PSMB1: variants seen among roughly 807,000 people sequenced by gnomAD.
PSMB1 encodes proteasome 20S subunit beta 1.
A neutral mutation model predicts 25.4 loss-of-function variants in PSMB1; 7 were observed. The observed-to-expected ratio is 0.28, with a 90% CI of 0.16 to 0.52. The LOEUF is 0.52. PSMB1 is among the 20% of genes least tolerant of loss of function. The probability of loss-of-function intolerance (pLI) is 0.97; values close to 1 mark genes in which losing one functional copy is unlikely to be tolerated. For synonymous variants in PSMB1, 119 were observed against 115.0 expected, an observed-to-expected ratio of 1.03 and a Z score of -0.22; for missense variants, 284 against 302.2, an observed-to-expected ratio of 0.94 and a Z score of 0.45.
At chr6:170,537,459 G>T in intron 4 of PSMB1, 119 bp from the exon 5 acceptor site, 1 of 725,662 alleles carries the variant, frequency 1.4e-6, no homozygotes, top group Non-Finnish European at 2.3e-6. Flanking sequence ...TAAAACTTCA[G>T]GGAACAGTTG....
rs1426651888 is a variant in PSMB1, at chr6:170,543,722, C to T, written c.312G>A (p.Lys104=). The change falls in exon 4 of 6, where the codon AAG becomes AAA. Residue 104 remains lysine (K), a synonymous_variant. Transcript: ENST00000262193. The part of the protein sequence containing the change: ...KIIEARLKMY[K]HSNNKAMTTG... ...TAGTCATGGCCTTATTATTGGAATG[C>T]TTATACATCTGCAATTATTGATAAA... is the stretch of plus-strand genomic sequence containing the variant. 1.2e-6 allele frequency: 2 copies of T among 1,606,660 alleles called. No homozygotes were observed. Among genetic ancestry groups the T allele is most frequent in the Non-Finnish European group, 1.7e-6 (2 of 1,176,502 alleles).
chr6:170,537,478 C>T (rs2114974556), intron 4 of PSMB1, 138 bp from the exon 5 acceptor site: 1 of 654,108 alleles, frequency 1.5e-6, no homozygotes, highest in Non-Finnish European at 2.7e-6. Context: ...TGGAACACAG[C>T]CACTGTTGCA....
intron 4 of PSMB1, 64 bp downstream of exon 4, chr6:170,543,537 A>C (rs1017081059): frequency 5.3e-5 from 75 of 1,415,092 alleles, no homozygotes; most frequent in Non-Finnish European, 6.7e-5. Context: ...CTCTAGATGG[A>C]TACACACATC....
At chr6:170,536,809 G>A (rs1023533861) in intron 5 of PSMB1, among the ~76,000 whole-genome samples, 2 of 152,138 alleles carry the variant, frequency 1.3e-5, no homozygotes, top group African/African-American at 2.4e-5. Flanking sequence ...TCCAGTGCTC[G>A]GGGAACTGGC....
chr6:170,549,275 G>C (rs1333915786), intron 1 of PSMB1, 162 bp from the exon 2 acceptor site: 2 of 510,304 alleles, frequency 3.9e-6, no homozygotes, highest in East Asian at 6.0e-5. Flanking sequence ...ATGAACGCCT[G>C]GCTACGAGTT....
intron 3 of PSMB1, among the ~76,000 whole-genome samples, chr6:170,545,261 T>A (rs1311951475): frequency 6.6e-6 from 1 of 152,244 alleles, no homozygotes; most frequent in Non-Finnish European, 1.5e-5. Context: ...GTGTATTATG[T>A]AGAATTCACC....
intron 3 of PSMB1, among the ~76,000 whole-genome samples, chr6:170,544,792 AGTAACAG>A (rs892711091): frequency 6.6e-6 from 1 of 152,154 alleles, no homozygotes; most frequent in Non-Finnish European, 1.5e-5. Flanking sequence ...ATGAACTACA[AGTAACAG>A]GTAAGTTTTT....
At chr6:170,538,198 T>C (rs1246035193) in intron 4 of PSMB1, among the ~76,000 whole-genome samples, 1 of 152,190 alleles carries the variant, frequency 6.6e-6, no homozygotes, top group African/African-American at 2.4e-5. Flanking sequence ...GATTCTACAA[T>C]CGTTAAAAAG....
intron 4 of PSMB1, among the ~76,000 whole-genome samples, chr6:170,543,370 T>C (rs575592403): frequency 6.6e-6 from 1 of 152,288 alleles, no homozygotes; most frequent in South Asian, 2.1e-4. Context: ...CTCATGCAAG[T>C]TCCTGAGAAA....
chr6:170,541,995 C>T (rs530697062), intron 4 of PSMB1, among the ~76,000 whole-genome samples: 1 of 152,196 alleles, frequency 6.6e-6, no homozygotes, highest in Non-Finnish European at 1.5e-5. Context: ...TAATGTAAGT[C>T]AAAAAAGACA....
At chr6:170,545,859 A>G (rs1382610596) in intron 3 of PSMB1, among the ~76,000 whole-genome samples, 1 of 152,194 alleles carries the variant, frequency 6.6e-6, no homozygotes, top group African/African-American at 2.4e-5. Context: ...GCTCCTTCTA[A>G]AAGGGTAGAG....
chr6:170,535,531 G>T, intron 5 of PSMB1, 126 bp from the exon 6 acceptor site: 1 of 822,130 alleles, frequency 1.2e-6, no homozygotes, highest in Non-Finnish European at 1.9e-6. Context: ...AAATTAAAAT[G>T]TCCTTCAGAC....
chr6:170,542,570 C>A (rs530853782), intron 4 of PSMB1, among the ~76,000 whole-genome samples: 4 of 152,278 alleles, frequency 2.6e-5, no homozygotes, highest in African/African-American at 9.6e-5. Context: ...AGAAACTATC[C>A]CTGGCCCTGA....
rs1778942811 is a variant in PSMB1, at chr6:170,553,256, C to T, written c.-14G>A. ...AGAGGACAACATCGCACGGCTGCGC[C>T]TGCGGATCCGACACTTGCTGTCTCA... On this transcript the variant is annotated 5_prime_UTR_variant, in exon 1 of 6. Transcript: ENST00000262193. The T allele has an allele frequency of 6.3e-7, 1 of 1,580,662 alleles. No homozygotes were observed. Among genetic ancestry groups the T allele is most frequent in the Non-Finnish European group, 8.7e-7 (1 of 1,154,582 alleles).
At chr6:170,544,847 A>C (rs1244165404) in intron 3 of PSMB1, among the ~76,000 whole-genome samples, 1 of 152,142 alleles carries the variant, frequency 6.6e-6, no homozygotes, top group Non-Finnish European at 1.5e-5. Context: ...AACTATAAAA[A>C]ATTATTCATA....
intron 4 of PSMB1, among the ~76,000 whole-genome samples, chr6:170,538,485 G>T (rs950447807): frequency 2.0e-5 from 3 of 152,154 alleles, no homozygotes; most frequent in African/African-American, 7.2e-5. Context: ...CCGATCACGA[G>T]GTCAGGAGTT....
chr6:170,543,680 T>A lies in PSMB1; in HGVS notation c.354A>T (p.Ala118=). The stretch of plus-strand genomic sequence containing the variant: ...TTGAATACAGGATTGTAGACAGCAT[T>A]GCAGCAATTGCCCCCGTAGTCATGG... ...NKAMTTGAIA[A]MLSTILYSRR... The change falls in exon 4 of 6, where the codon GCA becomes GCT. Residue 118 remains alanine (A), a synonymous_variant. Transcript: ENST00000262193. 6.2e-7 allele frequency: 1 copy of A among 1,612,540 alleles called. No homozygotes were observed. The highest frequency in any genetic ancestry group is 1.3e-5 in the African/African-American group (1 of 75,006).
At chr6:170,546,290 G>A in intron 2 of PSMB1, 106 bp from the exon 3 acceptor site, 1 of 859,484 alleles carries the variant, frequency 1.2e-6, no homozygotes, top group Non-Finnish European at 1.9e-6. Context: ...TCCCTAAATG[G>A]TAATGGGACA....
chr6:170,543,786 G>C lies in PSMB1; in HGVS notation c.304-56C>G, dbSNP rs778855448. On this transcript the variant is annotated intron_variant, in intron 3 of 5. Transcript: ENST00000262193. Reference sequence around the variant, plus strand: ...TAGAGGCAGAGGCCATTATAGACTAGAACAATCAACAGTATAAAGTGAATA... The same window carrying C: ...TAGAGGCAGAGGCCATTATAGACTACAACAATCAACAGTATAAAGTGAATA... The C allele has an allele frequency of 6.7e-6, 10 of 1,495,762 alleles. No individual in the cohort carries two copies. The South Asian group carries it at 9.1e-5, about 14-fold the overall frequency. The allele number at this position is 1,495,762 out of a possible 1,614,324, so 92.7% of individuals were successfully genotyped here.
Sources: allele counts gnomAD v4.1 joint callset (sites outside exome capture counted in the v4.1 genomes callset), GRCh38; gene constraint gnomAD v4.1.1; transcripts MANE v1.5; gene names NCBI Gene and HGNC (gene_info 2026-07-23, HGNC 2026-07-21).